The following SLC25A31 variants were observed in gnomAD, a reference collection of about 807,000 sequenced individuals.
SLC25A31 encodes the protein ADP/ATP translocase 4.
SLC25A31 carries 40 observed loss-of-function variants against 36.2 expected under a neutral mutation model. That is an observed-to-expected ratio of 1.10 (90% CI 0.86 to 1.44). The LOEUF is 1.44. SLC25A31 is among the 40% of genes most tolerant of loss of function. The pLI, the probability that SLC25A31 is intolerant of heterozygous loss-of-function variation, is 0.00. For missense variants in SLC25A31, 350 were observed against 397.1 expected, an observed-to-expected ratio of 0.88 and a Z score of 1.01; for synonymous variants, 143 against 149.7, an observed-to-expected ratio of 0.96 and a Z score of 0.32.
chr4:127,747,701 C>T (rs1027639986), intron 2 of SLC25A31, among the ~76,000 whole-genome samples: 1 of 152,166 alleles, frequency 6.6e-6, no homozygotes, highest in African/African-American at 2.4e-5. Flanking sequence ...TTATGACAGG[C>T]ATTCAGTAAA....
At position 127,773,385 on chromosome 4, in the gene SLC25A31, G is replaced by C. The variant is rs779949843; in HGVS notation, c.760-1G>C. On this transcript the variant is annotated splice_acceptor_variant, in intron 5 of 5. Coordinates refer to ENST00000281154, the MANE Select transcript of SLC25A31 (RefSeq NM_031291.4). LOFTEE classifies it high-confidence loss of function. ...AAAACCCTTTGTTTTTCTTTGTATA[G>C]AGTGGTGAGGCTAAACGGCAATATA... is the stretch of plus-strand genomic sequence containing the variant. The C allele has an allele frequency of 6.2e-7, 1 of 1,607,676 alleles. No homozygotes were observed. Among genetic ancestry groups the C allele is most frequent in the Non-Finnish European group, 8.5e-7 (1 of 1,178,268 alleles).
At chr4:127,755,766 G>T (rs973078588) in intron 2 of SLC25A31, among the ~76,000 whole-genome samples, 2 of 152,206 alleles carry the variant, frequency 1.3e-5, no homozygotes, top group African/African-American at 2.4e-5. Flanking sequence ...AGGTGCTGTG[G>T]TTCACGCCTA....
chr4:127,755,370 A>G (rs1169580147), intron 2 of SLC25A31, among the ~76,000 whole-genome samples: 4 of 152,216 alleles, frequency 2.6e-5, no homozygotes, highest in Admixed American at 2.6e-4. Flanking sequence ...GTTTGCAAAC[A>G]AAATATTTGC....
intron 3 of SLC25A31, among the ~76,000 whole-genome samples, chr4:127,766,514 T>C (rs931382671): frequency 6.6e-6 from 1 of 152,242 alleles, no homozygotes; most frequent in African/African-American, 2.4e-5. Context: ...TTTGTTTTAA[T>C]AGAGACAGGG....
At chr4:127,739,869 T>C (rs1731701834) in intron 1 of SLC25A31, among the ~76,000 whole-genome samples, 2 of 152,024 alleles carry the variant, frequency 1.3e-5, no homozygotes, top group Non-Finnish European at 2.9e-5. Context: ...AGTCAATTGA[T>C]AATTTTTTTA....
intron 1 of SLC25A31, among the ~76,000 whole-genome samples, chr4:127,743,467 T>C (rs1048397059): frequency 3.9e-5 from 6 of 152,190 alleles, no homozygotes; most frequent in African/African-American, 1.4e-4. Context: ...TTTCACTTTG[T>C]ACATACTTAA....
rs1269737995 is a variant in SLC25A31, at chr4:127,774,065, A to G, written c.*491A>G. ...TCTAAGACAGTTGTTATTACTGTGT[A>G]TAATATTTACAGTATCAGCCTTTGA... On this transcript the variant is annotated 3_prime_UTR_variant, in exon 6 of 6. Transcript: ENST00000281154. 1 of 152,254 alleles carries G rather than the reference A, an allele frequency of 6.6e-6. No individual in the cohort carries two copies. The allele number at this position is 152,254 out of a possible 1,614,324, so 9.4% of individuals were successfully genotyped here.
chr4:127,750,265 C>T (rs1447866512), intron 2 of SLC25A31, among the ~76,000 whole-genome samples: 1 of 152,118 alleles, frequency 6.6e-6, no homozygotes, highest in Non-Finnish European at 1.5e-5. Flanking sequence ...TATACAGGTG[C>T]TCGTCAACTT....
In SLC25A31 at chr4:127,753,428, G is replaced by A. The variant is rs184446018; in HGVS notation, c.360+8629G>A. On this transcript the variant is annotated intron_variant, in intron 2 of 5. Coordinates refer to ENST00000281154, the MANE Select transcript of SLC25A31 (RefSeq NM_031291.4). ...GATAAACAAAATAGAAAAACCCTTGGCTAGGACTAAAAATAAGTCTCATAT... is the reference window on the plus strand; with the variant it reads ...GATAAACAAAATAGAAAAACCCTTGACTAGGACTAAAAATAAGTCTCATAT... Among the ~76,000 whole-genome samples, 196 of 152,126 alleles carry A rather than the reference G, an allele frequency of 1.3e-3. 1 individual carries two copies. The highest frequency in any genetic ancestry group is 5.4e-3 in the South Asian group (26 of 4,820).
intron 2 of SLC25A31, 119 bp from the exon 3 acceptor site, chr4:127,764,124 T>C: frequency 1.3e-6 from 1 of 791,336 alleles, no homozygotes; most frequent in East Asian, 2.7e-5. Context: ...AGATGTTTAC[T>C]TTATAAAAGT....
intron 1 of SLC25A31, among the ~76,000 whole-genome samples, chr4:127,736,150 A>G (rs1182607387): frequency 1.3e-5 from 2 of 151,898 alleles, no homozygotes; most frequent in Non-Finnish European, 2.9e-5. Context: ...CGGCCTCCCA[A>G]AGTGCTGGGA....
intron 1 of SLC25A31, among the ~76,000 whole-genome samples, chr4:127,737,205 A>G (rs1171038742): frequency 6.6e-6 from 1 of 152,220 alleles, no homozygotes; most frequent in Non-Finnish European, 1.5e-5. Context: ...GAATTCTGTG[A>G]CATCTATGTA....
chr4:127,763,792 C>T (rs1732186927), intron 2 of SLC25A31, among the ~76,000 whole-genome samples: 1 of 152,110 alleles, frequency 6.6e-6, no homozygotes, highest in Non-Finnish European at 1.5e-5. Context: ...AAAGTAATTG[C>T]AGTTTTTTGC....
rs1047406192 is a variant in SLC25A31, at chr4:127,763,674, T to C, written c.361-569T>C. Among the ~76,000 whole-genome samples the C allele has an allele frequency of 2.8e-4, 43 of 152,230 alleles. 1 individual carries two copies. The highest frequency in any genetic ancestry group is 2.9e-5 in the Non-Finnish European group (2 of 68,040). On this transcript the variant is annotated intron_variant, in intron 2 of 5. Transcript: ENST00000281154. ...TGATTGATGTCTGCCAATCTCCATG[T>C]TGTCATTTGAACATAATTAAATACG...
At chr4:127,749,756 C>T (rs142451744) in intron 2 of SLC25A31, among the ~76,000 whole-genome samples, 1 of 151,098 alleles carries the variant, frequency 6.6e-6, no homozygotes, top group Non-Finnish European at 1.5e-5. Flanking sequence ...TCCTGTTATC[C>T]CAGATCCTGA....
chr4:127,755,691 TG>T (rs1328367240), intron 2 of SLC25A31, among the ~76,000 whole-genome samples: 3 of 152,154 alleles, frequency 2.0e-5, no homozygotes, highest in Admixed American at 2.0e-4. Flanking sequence ...TTGGTGGAAA[TG>T]TAAATTACTA....
intron 1 of SLC25A31, among the ~76,000 whole-genome samples, chr4:127,737,020 T>C (rs72918245): frequency 0.014 from 2,189 of 152,256 alleles, 62 homozygotes; most frequent in African/African-American, 0.05. Context: ...CATTCAGAAT[T>C]TTACTTAGGG....
Position 127,773,654 on chromosome 4 carries a change from G to T in SLC25A31, c.*80G>T. On this transcript the variant is annotated 3_prime_UTR_variant, in exon 6 of 6. Transcript: ENST00000281154. ...CATAGCTGCCATTTGCATACATTTT[G>T]ATAGTGTTATTGTCTGTATTTTGTT... 1 of 1,176,418 alleles carries T rather than the reference G, an allele frequency of 8.5e-7. No homozygotes were observed. The highest frequency in any genetic ancestry group is 1.7e-5 in the South Asian group (1 of 57,862). 72.9% of individuals were successfully genotyped at this position (1,176,418 alleles called of 1,614,324 possible).
chr4:127,743,130 C>CTTT (rs57035802), intron 1 of SLC25A31, among the ~76,000 whole-genome samples: 1 of 128,064 alleles, frequency 7.8e-6, no homozygotes, highest in Non-Finnish European at 1.7e-5. Context: ...TTTTTCTTTT[C>CTTT]TTTTTTTTTT....
Sources: allele counts gnomAD v4.1 joint callset (sites outside exome capture counted in the v4.1 genomes callset), GRCh38; gene constraint gnomAD v4.1.1; transcripts MANE v1.5; gene names NCBI Gene and HGNC (gene_info 2026-07-23, HGNC 2026-07-21).